The following FGGY variants were observed in gnomAD, a reference collection of about 807,000 sequenced individuals.
FGGY encodes the protein FGGY carbohydrate kinase domain containing.
FGGY carries 72 observed loss-of-function variants against 71.3 expected under a neutral mutation model. The ratio of observed to expected loss-of-function variants is 1.01; its 90% CI spans 0.84 to 1.23. FGGY has a LOEUF of 1.23. FGGY is among the 50% of genes most tolerant of loss of function. The pLI, the probability that FGGY is intolerant of heterozygous loss-of-function variation, is 0.00. For missense variants in FGGY, 668 were observed against 682.3 expected (o/e 0.98, Z 0.23); for synonymous variants, 251 against 250.3 (o/e 1.00, Z -0.02).
At chr1:59,650,290 C>CT (rs1302916758) in intron 11 of FGGY, among the ~76,000 whole-genome samples, 2 of 142,364 alleles carry the variant, frequency 1.4e-5, no homozygotes, top group Non-Finnish European at 3.0e-5. Context: ...AGGATTCCGT[C>CT]TTTTCTATTG....
intron 10 of FGGY, among the ~76,000 whole-genome samples, chr1:59,629,008 A>G (rs1053670178): frequency 2.6e-5 from 4 of 152,126 alleles, no homozygotes; most frequent in Non-Finnish European, 5.9e-5. Context: ...GTGTTCAACT[A>G]AAAAAATGGT....
At chr1:59,651,217 T>C (rs1388609194) in intron 11 of FGGY, among the ~76,000 whole-genome samples, 1 of 152,068 alleles carries the variant, frequency 6.6e-6, no homozygotes, top group East Asian at 1.9e-4. Context: ...CTGAAAAAAA[T>C]GTATATTCTG....
chr1:59,411,763 G>A (rs1373596872), intron 5 of FGGY, among the ~76,000 whole-genome samples: 3 of 152,076 alleles, frequency 2.0e-5, no homozygotes, highest in Non-Finnish European at 4.4e-5. Context: ...TTTGCAAATA[G>A]TCCTTTTAAC....
At chr1:59,513,877 A>G (rs2094575565) in intron 7 of FGGY, among the ~76,000 whole-genome samples, 1 of 152,258 alleles carries the variant, frequency 6.6e-6, no homozygotes, top group African/African-American at 2.4e-5. Flanking sequence ...GGATTTCCAG[A>G]GCAGGATCGC....
chr1:59,452,328 T>C (rs940043535), intron 5 of FGGY, among the ~76,000 whole-genome samples: 4 of 152,204 alleles, frequency 2.6e-5, no homozygotes, highest in African/African-American at 9.6e-5. Flanking sequence ...ATGTCATATG[T>C]CATATTTCAT....
intron 8 of FGGY, 35 bp from the exon 9 acceptor site, chr1:59,607,768 C>A: frequency 6.5e-7 from 1 of 1,538,010 alleles, no homozygotes; most frequent in South Asian, 1.1e-5. Flanking sequence ...CCCTGAGAGT[C>A]AATGTTTTCA....
intron 5 of FGGY, among the ~76,000 whole-genome samples, chr1:59,438,743 A>G (rs2069069187): frequency 6.6e-6 from 1 of 152,234 alleles, no homozygotes; most frequent in South Asian, 2.1e-4. Flanking sequence ...GATGTATTTC[A>G]ATTGAGGGGG....
chr1:59,467,333 C>T lies in FGGY; in HGVS notation c.670+10257C>T, dbSNP rs142920187. On this transcript the variant is annotated intron_variant, in intron 6 of 15. Transcript: ENST00000303721. ...ACTTGGACACAGGGTGGGGAATATA[C>T]ACCAGGGCCTGTCGTGGGGTGGGGG... 3.7e-3 allele frequency among the ~76,000 whole-genome samples: 560 copies of T among 151,846 alleles called. 3 individuals carry two copies. The highest frequency in any genetic ancestry group is 0.012 in the African/African-American group (499 of 41,446).
intron 15 of FGGY, among the ~76,000 whole-genome samples, chr1:59,761,878 G>A (rs1235329335): frequency 6.6e-6 from 1 of 152,152 alleles, no homozygotes; most frequent in African/African-American, 2.4e-5. Flanking sequence ...GTGATTTTAG[G>A]CCAGTCATCA....
rs866783775 is a variant in FGGY at position 59,588,903 on chromosome 1, A to G, written c.904-18900A>G. Among the ~76,000 whole-genome samples, 6 of 152,344 alleles carry G rather than the reference A, an allele frequency of 3.9e-5. No homozygotes were observed. In the South Asian group the frequency reaches 6.2e-4, roughly 16 times the overall value. On this transcript the variant is annotated intron_variant, in intron 8 of 15. Transcript: ENST00000303721. ...CAACTAACGAGCAATATAACCAGCT[A>G]ACATCAAAATGACAGGATCAAATTC...
At chr1:59,736,493 A>T (rs1274269498) in intron 14 of FGGY, among the ~76,000 whole-genome samples, 1 of 152,090 alleles carries the variant, frequency 6.6e-6, no homozygotes, top group African/African-American at 2.4e-5. Flanking sequence ...GTCCAAGCTG[A>T]AGTGGTCTCA....
At chr1:59,595,629 G>T (rs564869924) in intron 8 of FGGY, among the ~76,000 whole-genome samples, 2 of 152,268 alleles carry the variant, frequency 1.3e-5, no homozygotes, top group South Asian at 4.1e-4. Flanking sequence ...GGCAGAAGTT[G>T]CAGTGAGCCG....
chr1:59,319,684 T>TTATGAG (rs1285487724), intron 1 of FGGY, among the ~76,000 whole-genome samples: 2 of 152,172 alleles, frequency 1.3e-5, no homozygotes, highest in South Asian at 2.1e-4. Context: ...AATTGAGAGC[T>TTATGAG]TATGAGGAGT....
At chr1:59,600,982 C>CTTTTTTTT (rs377505663) in intron 8 of FGGY, among the ~76,000 whole-genome samples, 2 of 127,044 alleles carry the variant, frequency 1.6e-5, no homozygotes, top group African/African-American at 3.0e-5. Context: ...ATTCTCTATG[C>CTTTTTTTT]TTTTTTTTTT....
intron 14 of FGGY, among the ~76,000 whole-genome samples, chr1:59,678,562 G>A (rs572143264): frequency 1.8e-4 from 27 of 152,244 alleles, no homozygotes; most frequent in African/African-American, 2.4e-4. Context: ...GTTTCAAGTC[G>A]TTGTGAGAGA....
At chr1:59,401,623 A>G (rs2061980014) in intron 5 of FGGY, among the ~76,000 whole-genome samples, 1 of 152,234 alleles carries the variant, frequency 6.6e-6, no homozygotes, top group South Asian at 2.1e-4. Context: ...CCAGAGTCGA[A>G]TGGTTAATAA....
At chr1:59,428,118 A>G (rs2066711369) in intron 5 of FGGY, among the ~76,000 whole-genome samples, 1 of 152,164 alleles carries the variant, frequency 6.6e-6, no homozygotes, top group Non-Finnish European at 1.5e-5. Flanking sequence ...CTTGATGGTC[A>G]TTTCTGCCTC....
chr1:59,490,874 T>C (rs2093809353), intron 6 of FGGY, among the ~76,000 whole-genome samples: 1 of 152,056 alleles, frequency 6.6e-6, no homozygotes, highest in South Asian at 2.1e-4. Context: ...TTCTTTTCCA[T>C]TGGTCTGTGT....
intron 6 of FGGY, among the ~76,000 whole-genome samples, chr1:59,472,717 TG>T (rs1483733989): frequency 8.5e-5 from 13 of 152,240 alleles, no homozygotes; most frequent in Non-Finnish European, 1.6e-4. Context: ...GCTACTCTGG[TG>T]GGGACTTGGA....
Sources: allele counts gnomAD v4.1 joint callset (sites outside exome capture counted in the v4.1 genomes callset), GRCh38; gene constraint gnomAD v4.1.1; transcripts MANE v1.5; gene names NCBI Gene and HGNC (gene_info 2026-07-23, HGNC 2026-07-21).